PTPRJ: variants seen among roughly 807,000 people sequenced by gnomAD.
PTPRJ encodes the protein protein tyrosine phosphatase receptor type J, also known as receptor-type tyrosine-protein phosphatase eta.
A neutral mutation model predicts 141.3 loss-of-function variants in PTPRJ; 129 were observed. The ratio of observed to expected loss-of-function variants is 0.91; its 90% CI spans 0.79 to 1.06. The LOEUF (loss-of-function observed/expected upper bound fraction) is 1.06. Ranked by LOEUF, PTPRJ falls within the 50% of genes least tolerant of loss-of-function variation. PTPRJ has a pLI of 0.00. For synonymous variants in PTPRJ, 610 were observed against 640.5 expected (o/e 0.95, Z 0.72); for missense variants, 1,601 against 1,679.7 (o/e 0.95, Z 0.82).
At chr11:48,159,889 C>T (rs1309864084) in intron 21 of PTPRJ, 41 bp from the exon 22 acceptor site, 1 of 1,609,736 alleles carries the variant, frequency 6.2e-7, no homozygotes, top group African/African-American at 1.3e-5. Flanking sequence ...TGGCAGATGG[C>T]ATGATCTGAG....
intron 1 of PTPRJ, among the ~76,000 whole-genome samples, chr11:48,100,888 G>GAA (rs71457246): frequency 1.0e-4 from 9 of 90,352 alleles, no homozygotes; most frequent in Non-Finnish European, 1.2e-4. Context: ...GTCTCAAAAA[G>GAA]AAAAAAAAAA....
At chr11:48,074,217 G>GAA (rs202124183) in intron 1 of PTPRJ, among the ~76,000 whole-genome samples, 3 of 151,430 alleles carry the variant, frequency 2.0e-5, no homozygotes, top group African/African-American at 7.3e-5. Flanking sequence ...ACTAAAAAAA[G>GAA]AAAAAAAAGT....
chr11:47,981,092 G>A, intron 1 of PTPRJ, 84 bp downstream of exon 1: 1 of 1,162,634 alleles, frequency 8.6e-7, no homozygotes, highest in South Asian at 4.3e-5. Context: ...GTACCCCCCC[G>A]GGGGGTTCCG....
chr11:48,038,157 CAA>C (rs1202749054), intron 1 of PTPRJ, among the ~76,000 whole-genome samples: 2 of 152,264 alleles, frequency 1.3e-5, no homozygotes, highest in East Asian at 3.9e-4. Context: ...TACTTGAAGA[CAA>C]GAGCTGGTCT....
intron 1 of PTPRJ, among the ~76,000 whole-genome samples, chr11:48,046,633 A>G (rs1830225893): frequency 6.6e-6 from 1 of 151,982 alleles, no homozygotes; most frequent in Admixed American, 6.6e-5. Flanking sequence ...GGTGATGATT[A>G]GGGTTTGGGT....
At chr11:48,128,596 G>C (rs1338932133) in intron 7 of PTPRJ, among the ~76,000 whole-genome samples, 1 of 152,206 alleles carries the variant, frequency 6.6e-6, no homozygotes, top group Non-Finnish European at 1.5e-5. Context: ...TAGTACAGTG[G>C]TATAATATTG....
intron 1 of PTPRJ, among the ~76,000 whole-genome samples, chr11:47,985,314 A>ATT (rs933015952): frequency 3.4e-5 from 5 of 146,844 alleles, no homozygotes; most frequent in Admixed American, 6.8e-5. Context: ...TTCCTGGCTA[A>ATT]TTTTTTTTTT....
Position 48,016,865 on chromosome 11 carries a change from T to C in PTPRJ, c.96+35857T>C, listed in dbSNP as rs144827086. On this transcript the variant is annotated intron_variant, in intron 1 of 24. Transcript: ENST00000418331. Reference sequence around the variant, plus strand: ...GTAAACTTTACATACATTATCTTAATGAATGCAGAAAACAAGCAGATGAGC... The same window carrying C: ...GTAAACTTTACATACATTATCTTAACGAATGCAGAAAACAAGCAGATGAGC... Among the ~76,000 whole-genome samples the C allele has an allele frequency of 1.1e-4, 17 of 152,262 alleles. No homozygotes were observed. In the East Asian group the frequency reaches 2.7e-3, roughly 24 times the overall value.
At chr11:48,160,919 A>G (rs1403700258) in intron 22 of PTPRJ, among the ~76,000 whole-genome samples, 1 of 152,074 alleles carries the variant, frequency 6.6e-6, no homozygotes, top group African/African-American at 2.4e-5. Context: ...CGGTGATTCT[A>G]ACCTGTGAGG....
chr11:48,060,788 T>C (rs1350007790), intron 1 of PTPRJ, among the ~76,000 whole-genome samples: 1 of 152,220 alleles, frequency 6.6e-6, no homozygotes, highest in African/African-American at 2.4e-5. Flanking sequence ...TTTCAAGTCC[T>C]GTGTGATAGG....
chr11:47,994,312 T>C (rs1854274917), intron 1 of PTPRJ, among the ~76,000 whole-genome samples: 1 of 152,148 alleles, frequency 6.6e-6, no homozygotes, highest in South Asian at 2.1e-4. Flanking sequence ...TATACTACAA[T>C]AGGATAACCT....
intron 15 of PTPRJ, among the ~76,000 whole-genome samples, chr11:48,149,019 G>A (rs536423609): frequency 6.6e-6 from 1 of 152,312 alleles, no homozygotes; most frequent in South Asian, 2.1e-4. Context: ...AGTCAACAGT[G>A]CAGGAGTGTG....
chr11:48,103,404 A>G (rs1050330006), intron 1 of PTPRJ, among the ~76,000 whole-genome samples: 1 of 152,202 alleles, frequency 6.6e-6, no homozygotes, highest in African/African-American at 2.4e-5. Context: ...GGCTGCAGTG[A>G]GCTATGATTG....
chr11:48,056,598 C>T (rs1031862002), intron 1 of PTPRJ, among the ~76,000 whole-genome samples: 2 of 152,148 alleles, frequency 1.3e-5, no homozygotes, highest in Admixed American at 6.6e-5. Flanking sequence ...TCACTTAGCT[C>T]ATTTAACCCT....
chr11:48,139,847 C>A, intron 11 of PTPRJ, 71 bp downstream of exon 11: 1 of 1,491,402 alleles, frequency 6.7e-7, no homozygotes, highest in South Asian at 1.2e-5. Flanking sequence ...CACAGTGGGT[C>A]TGCACGTGTG....
chr11:47,983,191 T>A (rs1223356189), intron 1 of PTPRJ, among the ~76,000 whole-genome samples: 1 of 152,184 alleles, frequency 6.6e-6, no homozygotes, highest in East Asian at 1.9e-4. Context: ...TGCTATTTTT[T>A]TTTTTCCCGT....
At chr11:48,046,915 T>A (rs866989682) in intron 1 of PTPRJ, among the ~76,000 whole-genome samples, 7,376 of 98,450 alleles carry the variant, frequency 0.075, 141 homozygotes, top group Middle Eastern at 0.099. Context: ...TATATATATT[T>A]TTTTTTTTTT....
Position 48,163,581 on chromosome 11 carries a change from C to G in PTPRJ, c.3682C>G (p.Gln1228Glu). The change falls in exon 23 of 25, where the codon CAG (glutamine) becomes GAG (glutamate). Residue 1228 changes from glutamine (Q) to glutamate (E), a missense_variant. Gln to Glu is a conservative substitution (Grantham distance 29). Transcript: ENST00000418331. ...FRYLVRDYMK[Q>E]SPPESPILVH... ...GTACCTCGTTCGTGACTACATGAAGCAGAGTCCTCCCGAATCGCCGATTCT... is the reference window on the plus strand; with the variant it reads ...GTACCTCGTTCGTGACTACATGAAGGAGAGTCCTCCCGAATCGCCGATTCT... The G allele has an allele frequency of 6.2e-7, 1 of 1,614,044 alleles. No individual in the cohort carries two copies. Among genetic ancestry groups the G allele is most frequent in the East Asian group, 2.2e-5 (1 of 44,880 alleles).
chr11:48,117,185 C>A (rs1856587939), intron 3 of PTPRJ, among the ~76,000 whole-genome samples: 1 of 152,086 alleles, frequency 6.6e-6, no homozygotes, highest in African/African-American at 2.4e-5. Context: ...TATACTAAAG[C>A]CTATGGGATA....
Sources: allele counts gnomAD v4.1 joint callset (sites outside exome capture counted in the v4.1 genomes callset), GRCh38; gene constraint gnomAD v4.1.1; transcripts MANE v1.5; gene names NCBI Gene and HGNC (gene_info 2026-07-23, HGNC 2026-07-21).